The following NEK10 variants were observed in gnomAD, a reference collection of about 807,000 sequenced individuals.
NEK10 encodes the protein serine/threonine-protein kinase Nek10.
NEK10 carries 122 observed loss-of-function variants against 159.8 expected under a neutral mutation model. That is an observed-to-expected ratio of 0.76 (90% CI 0.66 to 0.89). NEK10 has a LOEUF of 0.89. Among genes scored for constraint, NEK10 ranks in the 40% least tolerant of loss-of-function variants. The pLI is 0.00. For synonymous variants in NEK10, 466 were observed against 457.1 expected, an observed-to-expected ratio of 1.02 and a Z score of -0.25; for missense variants, 1,342 against 1,323.1, an observed-to-expected ratio of 1.01 and a Z score of -0.22.
In NEK10 at chr3:27,284,606, G is replaced by A; in HGVS notation, c.2010C>T (p.Thr670=). The change falls in exon 22 of 36, where the codon ACC becomes ACT. Residue 670 remains threonine (T), a synonymous_variant. Transcript: ENST00000691995. The part of the protein sequence containing the change: ...NIMLGDKDKV[T]VTDFGLAKQK... The stretch of plus-strand genomic sequence containing the variant: ...TTTAAAAATCTTTATACTTACTAAC[G>A]GTTACTTTGTCCTTATCCCCCAACA... 2.6e-6 allele frequency: 4 copies of A among 1,526,858 alleles called. No individual in the cohort carries two copies. Among genetic ancestry groups the A allele is most frequent in the South Asian group, 1.1e-5 (1 of 89,174 alleles). The allele number at this position is 1,526,858 out of a possible 1,614,324, so 94.6% of individuals were successfully genotyped here.
chr3:27,132,241 A>G (rs143210281), intron 31 of NEK10, among the ~76,000 whole-genome samples: 165 of 152,268 alleles, frequency 1.1e-3, no homozygotes, highest in African/African-American at 3.7e-3. Context: ...GATTGATATT[A>G]TTTTTCATTT....
At chr3:27,218,737 A>G (rs1037030814) in intron 23 of NEK10, among the ~76,000 whole-genome samples, 3 of 71,728 alleles carry the variant, frequency 4.2e-5, no homozygotes, top group African/African-American at 1.4e-4. Flanking sequence ...AATGAAGTCT[A>G]AAAAAAAAAA....
chr3:27,209,382 C>T (rs1342128287), intron 23 of NEK10, among the ~76,000 whole-genome samples: 3 of 152,152 alleles, frequency 2.0e-5, no homozygotes, highest in Non-Finnish European at 2.9e-5. Context: ...ACTTACTTTA[C>T]AAAAATAGCA....
intron 23 of NEK10, among the ~76,000 whole-genome samples, chr3:27,253,621 G>A (rs1955885303): frequency 1.3e-5 from 2 of 152,078 alleles, no homozygotes; most frequent in South Asian, 4.1e-4. Flanking sequence ...TTGACAAAGA[G>A]ACCTTTCTTC....
intron 26 of NEK10, among the ~76,000 whole-genome samples, chr3:27,185,433 T>C (rs1348306262): frequency 6.6e-6 from 1 of 152,180 alleles, no homozygotes; most frequent in East Asian, 1.9e-4. Flanking sequence ...TGATCCCTGA[T>C]AATCTGGATG....
chr3:27,204,804 T>C (rs1311792407), intron 23 of NEK10, among the ~76,000 whole-genome samples: 8 of 143,640 alleles, frequency 5.6e-5, no homozygotes, highest in Non-Finnish European at 1.2e-4. Context: ...GCATGATTTA[T>C]AGTCATTTGG....
rs1337430752 is a variant in NEK10 at position 27,312,271 on chromosome 3, A to T, written c.490-94T>A. The stretch of plus-strand genomic sequence containing the variant: ...TGCTGCAGTTCTTAAAATAAACTGT[A>T]GGTGGCAAAACAGATTCATCAAATA... On this transcript the variant is annotated intron_variant, in intron 7 of 35. Coordinates refer to ENST00000691995, the MANE Select transcript of NEK10 (RefSeq NM_001394966.1). 5 of 631,656 alleles carry T rather than the reference A, an allele frequency of 7.9e-6. No homozygotes were observed. The African/African-American group carries it at 9.3e-5, about 12-fold the overall frequency. The allele number at this position is 631,656 out of a possible 1,614,324, so 39.1% of individuals were successfully genotyped here. A position where few individuals can be genotyped will look rare whatever the true frequency, so the allele number is the denominator to read the frequency against.
intron 23 of NEK10, chr3:27,255,262 A>T (rs1031962458): frequency 2.1e-5 from 9 of 435,510 alleles, no homozygotes; most frequent in Non-Finnish European, 3.7e-5. Flanking sequence ...TACAAGGTAC[A>T]TGTTAGCCTG....
At chr3:27,220,201 A>G (rs1951954495) in intron 23 of NEK10, among the ~76,000 whole-genome samples, 1 of 152,246 alleles carries the variant, frequency 6.6e-6, no homozygotes, top group Non-Finnish European at 1.5e-5. Context: ...TAGAACACAC[A>G]TCTTATAGTC....
chr3:27,129,566 T>G (rs969389574), intron 32 of NEK10, among the ~76,000 whole-genome samples: 1 of 152,160 alleles, frequency 6.6e-6, no homozygotes, highest in East Asian at 1.9e-4. Flanking sequence ...CATTTAAGTT[T>G]AGATGAAGGC....
At chr3:27,338,059 A>T (rs1248793713) in intron 5 of NEK10, among the ~76,000 whole-genome samples, 1 of 151,498 alleles carries the variant, frequency 6.6e-6, no homozygotes, top group Non-Finnish European at 1.5e-5. Flanking sequence ...CTCATCATTT[A>T]CATCAGGTAT....
Position 27,311,626 on chromosome 3 carries a change from G to A in NEK10, c.568+473C>T, listed in dbSNP as rs74839454. 668 of 172,754 alleles carry A rather than the reference G, an allele frequency of 3.9e-3. 3 individuals are homozygous for A. Among genetic ancestry groups the A allele is most frequent in the African/African-American group, 0.015 (640 of 41,726 alleles). 10.7% of individuals were successfully genotyped at this position (172,754 alleles called of 1,614,324 possible). On this transcript the variant is annotated intron_variant, in intron 8 of 35. Transcript: ENST00000691995. ...AGCAGGGCTGGGAAGAGCCTCCAACGGGAGAAGATTGAGTGACTAAGGAAT... is the reference window on the plus strand; with the variant it reads ...AGCAGGGCTGGGAAGAGCCTCCAACAGGAGAAGATTGAGTGACTAAGGAAT...
chr3:27,241,416 A>T (rs746275651), intron 23 of NEK10, among the ~76,000 whole-genome samples: 3 of 152,090 alleles, frequency 2.0e-5, no homozygotes, highest in Non-Finnish European at 4.4e-5. Context: ...TAATCTCATG[A>T]CTTTCTGTGT....
intron 29 of NEK10, among the ~76,000 whole-genome samples, chr3:27,163,876 A>G (rs1440464551): frequency 6.6e-6 from 1 of 152,208 alleles, no homozygotes; most frequent in Admixed American, 6.5e-5. Context: ...TTTCGTTTTA[A>G]TCATAGAATT....
At chr3:27,218,737 A>T (rs1037030814) in intron 23 of NEK10, among the ~76,000 whole-genome samples, 4 of 71,728 alleles carry the variant, frequency 5.6e-5, no homozygotes, top group Non-Finnish European at 1.3e-4. Flanking sequence ...AATGAAGTCT[A>T]AAAAAAAAAA....
intron 13 of NEK10, among the ~76,000 whole-genome samples, chr3:27,300,679 G>A (rs559867824): frequency 9.1e-4 from 138 of 152,178 alleles, no homozygotes; most frequent in African/African-American, 2.7e-3. Flanking sequence ...CTAAGTAACT[G>A]TTCTTCTGAA....
At chr3:27,123,349 A>G (rs1941551732) in intron 32 of NEK10, among the ~76,000 whole-genome samples, 2 of 152,194 alleles carry the variant, frequency 1.3e-5, no homozygotes, top group Non-Finnish European at 2.9e-5. Context: ...TTTGAAGGAT[A>G]AATTTAGGTA....
At chr3:27,150,811 C>T (rs1485241877) in intron 30 of NEK10, among the ~76,000 whole-genome samples, 4 of 152,158 alleles carry the variant, frequency 2.6e-5, no homozygotes, top group African/African-American at 9.7e-5. Flanking sequence ...TGAATCTAGG[C>T]AAAGTCTATT....
intron 23 of NEK10, among the ~76,000 whole-genome samples, chr3:27,233,588 A>T (rs1435906940): frequency 2.0e-5 from 3 of 151,992 alleles, no homozygotes; most frequent in Admixed American, 1.3e-4. Flanking sequence ...GTTTTATGAA[A>T]ATGCATGTTT....
Sources: allele counts gnomAD v4.1 joint callset (sites outside exome capture counted in the v4.1 genomes callset), GRCh38; gene constraint gnomAD v4.1.1; transcripts MANE v1.5; gene names NCBI Gene and HGNC (gene_info 2026-07-23, HGNC 2026-07-21).